The following ATRNL1 variants were observed in gnomAD, a reference collection of about 807,000 sequenced individuals.
The protein encoded by ATRNL1 is attractin-like protein 1.
Under a neutral mutation model 182.7 loss-of-function variants are expected in ATRNL1, and 95 were observed. That is an observed-to-expected ratio of 0.52 (90% CI 0.44 to 0.62). The LOEUF (loss-of-function observed/expected upper bound fraction) is 0.62, where lower values mean the gene tolerates loss of function less well. Among genes scored for constraint, ATRNL1 ranks in the 20% least tolerant of loss-of-function variants. The pLI is 0.00. For synonymous variants in ATRNL1, 576 were observed against 568.3 expected (o/e 1.01, Z -0.19); for missense variants, 1,471 against 1,679.5 (o/e 0.88, Z 2.17).
Position 115,385,619 on chromosome 10 carries a change from G to A in ATRNL1, c.3176-9040G>A, listed in dbSNP as rs532068580. Among the ~76,000 whole-genome samples the A allele has an allele frequency of 1.4e-4, 22 of 151,954 alleles. No homozygotes were observed. The South Asian group carries it at 2.3e-3, about 16-fold the overall frequency. Reference sequence around the variant, plus strand: ...ATTTTATACTTTTTGTATCACGTACGTGAAATCTTTACCTACCCCAAGGAT... The same window carrying A: ...ATTTTATACTTTTTGTATCACGTACATGAAATCTTTACCTACCCCAAGGAT... On this transcript the variant is annotated intron_variant, in intron 19 of 28. Coordinates refer to ENST00000355044, the MANE Select transcript of ATRNL1 (RefSeq NM_207303.4).
intron 28 of ATRNL1, among the ~76,000 whole-genome samples, chr10:115,941,400 G>A (rs1953726055): frequency 6.6e-6 from 1 of 152,158 alleles, no homozygotes; most frequent in Non-Finnish European, 1.5e-5. Flanking sequence ...CGATACAGTG[G>A]CAGTTTTGGA....
In ATRNL1 at chr10:115,315,697, A is replaced by G. The variant is rs368972386; in HGVS notation, c.2998A>G (p.Lys1000Glu). 5.0e-6 allele frequency: 8 copies of G among 1,613,614 alleles called. No homozygotes were observed. Among genetic ancestry groups the G allele is most frequent in the Non-Finnish European group, 6.8e-6 (8 of 1,179,876 alleles). ...EMVLDTNLCP[K>E]EKNYEWSFIQ... Reference sequence around the variant, plus strand: ...GGTTCTTGACACCAATCTTTGCCCCAAAGAAAAGAACTATGAGTGGTCCTT... The same window carrying G: ...GGTTCTTGACACCAATCTTTGCCCCGAAGAAAAGAACTATGAGTGGTCCTT... The change falls in exon 18 of 29, where the codon AAA (lysine) becomes GAA (glutamate). Residue 1000 changes from lysine (K) to glutamate (E), a missense_variant. By Grantham distance (56) the Lys-to-Glu change is moderately conservative. This residue lies in a region of ATRNL1 where 437 missense variants were observed against 506.0 expected (regional missense o/e 0.86). Transcript: ENST00000355044.
At chr10:115,848,882 A>C (rs2134358631) in intron 28 of ATRNL1, among the ~76,000 whole-genome samples, 2 of 152,312 alleles carry the variant, frequency 1.3e-5, no homozygotes, top group Middle Eastern at 6.8e-3. Flanking sequence ...CATAAAATAA[A>C]ATGCCAGCAA....
intron 20 of ATRNL1, among the ~76,000 whole-genome samples, chr10:115,403,575 C>T (rs529591665): frequency 7.7e-6 from 1 of 129,418 alleles, no homozygotes; most frequent in South Asian, 2.3e-4. Context: ...CATGCCTCAG[C>T]CTCCTGAGTA....
chr10:115,767,977 T>C (rs1026757563), intron 27 of ATRNL1, among the ~76,000 whole-genome samples: 4 of 152,166 alleles, frequency 2.6e-5, no homozygotes, highest in Non-Finnish European at 5.9e-5. Context: ...AAGCAGGTCA[T>C]TTTTCTCTTC....
chr10:115,791,917 T>G (rs1949540852), intron 27 of ATRNL1, among the ~76,000 whole-genome samples: 1 of 152,188 alleles, frequency 6.6e-6, no homozygotes, highest in Non-Finnish European at 1.5e-5. Flanking sequence ...TTATAGAGTT[T>G]CTGCTATTTG....
chr10:115,254,251 A>T (rs1179339303), intron 10 of ATRNL1, among the ~76,000 whole-genome samples: 1 of 152,220 alleles, frequency 6.6e-6, no homozygotes, highest in Non-Finnish European at 1.5e-5. Flanking sequence ...CGCTTCCACC[A>T]ACAGTGTAAA....
intron 20 of ATRNL1, among the ~76,000 whole-genome samples, chr10:115,419,623 C>T (rs1176745814): frequency 6.6e-6 from 1 of 152,076 alleles, no homozygotes; most frequent in African/African-American, 2.4e-5. Context: ...ACAGAAGTAG[C>T]TGTAATTATA....
intron 27 of ATRNL1, among the ~76,000 whole-genome samples, chr10:115,832,378 C>T (rs1020566899): frequency 2.0e-5 from 3 of 152,194 alleles, no homozygotes; most frequent in Admixed American, 6.5e-5. Flanking sequence ...CTTCTGTTAC[C>T]AAGAAGCAGA....
At chr10:115,721,885 T>G (rs1337414088) in intron 26 of ATRNL1, among the ~76,000 whole-genome samples, 2 of 152,204 alleles carry the variant, frequency 1.3e-5, no homozygotes, top group African/African-American at 4.8e-5. Context: ...AAGGTAGGTT[T>G]AGGTTTTGGC....
chr10:115,693,088 T>C (rs1196066060), intron 26 of ATRNL1, among the ~76,000 whole-genome samples: 1 of 151,738 alleles, frequency 6.6e-6, no homozygotes, highest in Non-Finnish European at 1.5e-5. Context: ...ATTAGATATG[T>C]TTATATGTTT....
At chr10:115,311,189 ATT>A (rs58808060) in intron 17 of ATRNL1, among the ~76,000 whole-genome samples, 2 of 133,778 alleles carry the variant, frequency 1.5e-5, no homozygotes, top group Admixed American at 1.6e-4. Flanking sequence ...TATGATTTAG[ATT>A]TTTTTTTTTT....
chr10:115,221,929 A>G (rs1382317788), intron 9 of ATRNL1, among the ~76,000 whole-genome samples: 2 of 152,088 alleles, frequency 1.3e-5, no homozygotes, highest in Non-Finnish European at 2.9e-5. Context: ...TCTTCTATAT[A>G]TCATATACAA....
At chr10:115,162,542 C>A (rs530387257) in intron 6 of ATRNL1, among the ~76,000 whole-genome samples, 2 of 151,590 alleles carry the variant, frequency 1.3e-5, no homozygotes, top group East Asian at 3.9e-4. Context: ...TGTTGTAGAT[C>A]TTTTGGGAGT....
At chr10:115,923,876 T>TA (rs1555119306) in intron 28 of ATRNL1, among the ~76,000 whole-genome samples, 1 of 152,224 alleles carries the variant, frequency 6.6e-6, no homozygotes, top group Non-Finnish European at 1.5e-5. Flanking sequence ...ACCAACAGTG[T>TA]AAAAGCGTTC....
At chr10:115,821,004 T>TC (rs1419686640) in intron 27 of ATRNL1, among the ~76,000 whole-genome samples, 3 of 152,038 alleles carry the variant, frequency 2.0e-5, no homozygotes, top group Non-Finnish European at 4.4e-5. Flanking sequence ...AGGGGCTCTT[T>TC]CCCCTTTGCT....
chr10:115,640,042 T>C (rs1859138556), intron 26 of ATRNL1, among the ~76,000 whole-genome samples: 1 of 152,152 alleles, frequency 6.6e-6, no homozygotes, highest in Non-Finnish European at 1.5e-5. Context: ...TGTTTGGTTT[T>C]CTTTTCCTGT....
chr10:115,601,208 T>C (rs1246365170), intron 26 of ATRNL1, among the ~76,000 whole-genome samples: 1 of 152,196 alleles, frequency 6.6e-6, no homozygotes, highest in Non-Finnish European at 1.5e-5. Flanking sequence ...TTTTGAATTC[T>C]AATTAGTTCT....
chr10:115,625,897 C>G (rs957531829), intron 26 of ATRNL1, among the ~76,000 whole-genome samples: 1 of 152,122 alleles, frequency 6.6e-6, no homozygotes, highest in South Asian at 2.1e-4. Flanking sequence ...CCAACTTGTT[C>G]GTTCCTCTGT....
Sources: allele counts gnomAD v4.1 joint callset (sites outside exome capture counted in the v4.1 genomes callset), GRCh38; gene constraint gnomAD v4.1.1; regional missense constraint gnomAD v4.1.1; transcripts MANE v1.5; gene names NCBI Gene and HGNC (gene_info 2026-07-23, HGNC 2026-07-21).